Variants in HECW1 observed in about 807,000 individuals in gnomAD.
HECW1 encodes E3 ubiquitin-protein ligase HECW1.
A neutral mutation model predicts 182.3 loss-of-function variants in HECW1; 61 were observed. That is an observed-to-expected ratio of 0.33 (90% CI 0.27 to 0.41). The LOEUF is 0.41. HECW1 is among the 10% of genes least tolerant of loss of function. The pLI, the probability that HECW1 is intolerant of heterozygous loss-of-function variation, is 1.00. For synonymous variants in HECW1, 859 were observed against 832.6 expected, an observed-to-expected ratio of 1.03 and a Z score of -0.55; for missense variants, 1,739 against 2,108.9, an observed-to-expected ratio of 0.82 and a Z score of 3.44.
chr7:43,366,340 G>A (rs941967988), intron 6 of HECW1, among the ~76,000 whole-genome samples: 2 of 152,064 alleles, frequency 1.3e-5, no homozygotes, highest in African/African-American at 4.8e-5. Context: ...ACAAATAATT[G>A]ATAAATACCC....
intron 29 of HECW1, among the ~76,000 whole-genome samples, chr7:43,560,126 T>G (rs2082162148): frequency 6.6e-6 from 1 of 152,206 alleles, no homozygotes; most frequent in African/African-American, 2.4e-5. Flanking sequence ...TCCAAAAGCA[T>G]GCTTGGGATT....
intron 8 of HECW1, among the ~76,000 whole-genome samples, chr7:43,422,537 G>A (rs954882279): frequency 4.6e-5 from 7 of 151,566 alleles, no homozygotes; most frequent in African/African-American, 1.7e-4. Context: ...TAATTTTTTT[G>A]TATTTTTAGT....
At chr7:43,217,165 G>A (rs919688690) in intron 2 of HECW1, among the ~76,000 whole-genome samples, 2 of 152,162 alleles carry the variant, frequency 1.3e-5, no homozygotes, top group Non-Finnish European at 2.9e-5. Context: ...TGAAAAAAGC[G>A]AGCCCTTTAT....
Position 43,222,060 on chromosome 7 carries a change from A to G in HECW1, c.-31-21815A>G, listed in dbSNP as rs138532286. The stretch of plus-strand genomic sequence containing the variant: ...TTAACAAGATCTGCAGGCCATTCAT[A>G]TGGACGTTAAGGTTTAAAAGTTCCT... On this transcript the variant is annotated intron_variant, in intron 2 of 29. Transcript: ENST00000395891. Among the ~76,000 whole-genome samples the G allele has an allele frequency of 3.5e-3, 538 of 152,282 alleles. 2 individuals carry two copies. The highest frequency in any genetic ancestry group is 9.5e-3 in the Admixed American group (146 of 15,302).
At chr7:43,276,139 T>G (rs6958724) in intron 3 of HECW1, among the ~76,000 whole-genome samples, 8,281 of 152,284 alleles carry the variant, frequency 0.054, 303 homozygotes, top group Middle Eastern at 0.11. Context: ...CTTGTCTGTG[T>G]AAGGGATATC....
chr7:43,220,856 A>G (rs542982588), intron 2 of HECW1, among the ~76,000 whole-genome samples: 1 of 152,330 alleles, frequency 6.6e-6, no homozygotes, highest in South Asian at 2.1e-4. Context: ...GCTTTCCATT[A>G]TGGTGCCCCT....
At chr7:43,325,922 A>G (rs1810715399) in intron 5 of HECW1, among the ~76,000 whole-genome samples, 1 of 152,170 alleles carries the variant, frequency 6.6e-6, no homozygotes, top group African/African-American at 2.4e-5. Context: ...TCATTTTAAA[A>G]TCCTTTTCCA....
At chr7:43,324,515 C>T (rs192828266) in intron 5 of HECW1, among the ~76,000 whole-genome samples, 3 of 152,086 alleles carry the variant, frequency 2.0e-5, no homozygotes, top group East Asian at 3.9e-4. Context: ...CTCTACGAAA[C>T]GTTCTCATAT....
At position 43,170,560 on chromosome 7, in the gene HECW1, C is replaced by G. The variant is rs549463169; in HGVS notation, c.-32+56169C>G. Among the ~76,000 whole-genome samples, 160 of 152,148 alleles carry G rather than the reference C, an allele frequency of 1.1e-3. 1 individual carries two copies. Among genetic ancestry groups the G allele is most frequent in the African/African-American group, 3.2e-3 (133 of 41,490 alleles). ...TAAGGTTACAGCTCGTGAACAGACCCGGAAGGGACAGCACACTCTCACTGG... is the reference window on the plus strand; with the variant it reads ...TAAGGTTACAGCTCGTGAACAGACCGGGAAGGGACAGCACACTCTCACTGG... On this transcript the variant is annotated intron_variant, in intron 2 of 29. Coordinates refer to ENST00000395891, the MANE Select transcript of HECW1 (RefSeq NM_015052.5).
intron 24 of HECW1, among the ~76,000 whole-genome samples, chr7:43,514,407 G>A (rs1484758089): frequency 6.6e-6 from 1 of 150,792 alleles, no homozygotes; most frequent in Non-Finnish European, 1.5e-5. Context: ...TCCTGCCTCA[G>A]CCTCCCAAGT....
chr7:43,390,550 A>AAAAAC (rs1192416922), intron 6 of HECW1, among the ~76,000 whole-genome samples: 3 of 134,676 alleles, frequency 2.2e-5, no homozygotes, highest in East Asian at 2.1e-4. Context: ...AAAAAAAAAC[A>AAAAAC]AAAAAAAAAC....
At chr7:43,453,020 T>G (rs939569357) in intron 12 of HECW1, among the ~76,000 whole-genome samples, 3 of 152,230 alleles carry the variant, frequency 2.0e-5, no homozygotes, top group African/African-American at 7.2e-5. Flanking sequence ...GCCCAGATCA[T>G]GCAGGGCCTT....
chr7:43,411,146 T>C (rs2075791015), intron 8 of HECW1, among the ~76,000 whole-genome samples: 1 of 151,936 alleles, frequency 6.6e-6, no homozygotes, highest in South Asian at 2.1e-4. Context: ...TTTCTTCTAA[T>C]CTCTGTTTTA....
chr7:43,478,074 C>T (rs2078285071), intron 16 of HECW1, among the ~76,000 whole-genome samples: 1 of 152,038 alleles, frequency 6.6e-6, no homozygotes, highest in Non-Finnish European at 1.5e-5. Context: ...ACAATGTTGC[C>T]ATATATTGGA....
intron 5 of HECW1, among the ~76,000 whole-genome samples, chr7:43,326,423 C>G (rs141548168): frequency 1.3e-5 from 2 of 152,192 alleles, no homozygotes; most frequent in African/African-American, 2.4e-5. Context: ...CTCAACCCCA[C>G]GCCCAGGGAG....
chr7:43,370,118 C>T (rs752700369), intron 6 of HECW1, among the ~76,000 whole-genome samples: 4 of 152,104 alleles, frequency 2.6e-5, no homozygotes, highest in Non-Finnish European at 2.9e-5. Context: ...TGATCAAGGG[C>T]TAGTATTCAC....
intron 16 of HECW1, among the ~76,000 whole-genome samples, chr7:43,469,308 G>A (rs538605848): frequency 1.3e-5 from 2 of 152,228 alleles, no homozygotes; most frequent in South Asian, 2.1e-4. Context: ...TGTGCCTTAC[G>A]GGACATTAGC....
intron 16 of HECW1, among the ~76,000 whole-genome samples, chr7:43,470,976 T>C (rs1301182557): frequency 6.6e-6 from 1 of 152,252 alleles, no homozygotes; most frequent in East Asian, 1.9e-4. Flanking sequence ...CATGACCCTG[T>C]GCAAGTCACT....
chr7:43,435,436 T>C (rs1191683113), intron 8 of HECW1, among the ~76,000 whole-genome samples: 2 of 151,998 alleles, frequency 1.3e-5, no homozygotes, highest in Admixed American at 1.3e-4. Flanking sequence ...TTCTTAGGAG[T>C]TATATAGGAG....
Sources: gnomAD v4.1 joint callset for allele counts (sites outside exome capture counted in the v4.1 genomes callset) on GRCh38, gnomAD v4.1.1 for gene constraint, MANE v1.5 for transcripts, NCBI Gene and HGNC (gene_info 2026-07-23, HGNC 2026-07-21) for gene names.